Variants in TRIM37 observed in about 807,000 individuals in gnomAD.
TRIM37 encodes tripartite motif containing 37.
A neutral mutation model predicts 129.8 loss-of-function variants in TRIM37; 80 were observed. The ratio of observed to expected loss-of-function variants is 0.62; its 90% CI spans 0.51 to 0.74. TRIM37 has a LOEUF of 0.74. Ranked by LOEUF, TRIM37 falls within the 30% of genes least tolerant of loss-of-function variation. TRIM37 has a pLI of 0.00. For synonymous variants in TRIM37, 389 were observed against 387.1 expected (o/e 1.00, Z -0.06); for missense variants, 1,054 against 1,176.5 (o/e 0.90, Z 1.52).
intron 5 of TRIM37, 84 bp from the exon 6 acceptor site, chr17:59,081,303 T>G: frequency 6.4e-7 from 1 of 1,550,872 alleles, no homozygotes; most frequent in Non-Finnish European, 8.8e-7. Flanking sequence ...TGGACACTAA[T>G]AAACTGGTAA....
downstream of TRIM37, chr17:58,980,283 C>T (rs746727705): frequency 1.9e-6 from 3 of 1,614,126 alleles, no homozygotes; most frequent in Non-Finnish European, 2.5e-6. This position sits in a 1 kb window ranked among gnomAD's most constrained non-coding sequence, Gnocchi z 4.7. Flanking sequence ...ACAGAGAACT[C>T]TTTTCAAGGA....
chr17:59,021,748 T>C (rs1325702985), intron 19 of TRIM37, among the ~76,000 whole-genome samples: 1 of 152,092 alleles, frequency 6.6e-6, no homozygotes, highest in Non-Finnish European at 1.5e-5. Context: ...ATTGTACTTC[T>C]GAAAATAACT....
the TRIM37 span, among the ~76,000 whole-genome samples, chr17:58,977,254 C>T: frequency 4.3e-4 from 65 of 152,080 alleles, no homozygotes; most frequent in East Asian, 3.9e-4. Context: ...ACCAGCCTGA[C>T]CAACATGGTG....
In TRIM37 at chr17:59,028,187, A is replaced by C. The variant is rs143260512; in HGVS notation, c.2257+228T>G. 1.3e-3 allele frequency among the ~76,000 whole-genome samples: 194 copies of C among 152,328 alleles called. 2 individuals are homozygous for C. In the Middle Eastern group the frequency reaches 0.017, roughly 13 times the overall value. On this transcript the variant is annotated intron_variant, in intron 19 of 23. Transcript: ENST00000262294. The stretch of plus-strand genomic sequence containing the variant: ...GAATACAAGATCTATGATGTTAAGA[A>C]TTTTGTCTTGTTTATTGCCAAATAC...
chr17:59,035,034 G>A (rs2038305441), intron 17 of TRIM37, among the ~76,000 whole-genome samples: 1 of 151,976 alleles, frequency 6.6e-6, no homozygotes, highest in South Asian at 2.1e-4. Context: ...GTATATAGAA[G>A]TATCTTATTC....
At chr17:59,051,721 A>T (rs2040363692) in intron 13 of TRIM37, among the ~76,000 whole-genome samples, 1 of 151,952 alleles carries the variant, frequency 6.6e-6, no homozygotes, top group Non-Finnish European at 1.5e-5. Context: ...ATGAGGCCCC[A>T]GCAAAATACA....
chr17:59,040,775 G>A (rs1040043780), intron 17 of TRIM37, among the ~76,000 whole-genome samples: 7 of 152,038 alleles, frequency 4.6e-5, no homozygotes, highest in Non-Finnish European at 7.4e-5. Context: ...GGCCGGGCGC[G>A]GTGGCTCACG....
At chr17:59,036,447 GGTGTGT>G (rs10625636) in intron 17 of TRIM37, among the ~76,000 whole-genome samples, 97 of 140,672 alleles carry the variant, frequency 6.9e-4, no homozygotes, top group South Asian at 1.6e-3. Context: ...ATTTGCTGGG[GGTGTGT>G]GTGTGTGTGT....
intron 2 of TRIM37, among the ~76,000 whole-genome samples, chr17:59,099,778 T>G (rs1350224404): frequency 1.3e-5 from 2 of 152,166 alleles, no homozygotes; most frequent in Non-Finnish European, 2.9e-5. Flanking sequence ...AAACTTCTGG[T>G]GAGAATGTAA....
In TRIM37 at chr17:59,087,535, T is replaced by C. The variant is rs972508563; in HGVS notation, c.281+756A>G. On this transcript the variant is annotated intron_variant, in intron 4 of 23. Coordinates refer to ENST00000262294, the MANE Select transcript of TRIM37 (RefSeq NM_015294.6). The stretch of plus-strand genomic sequence containing the variant: ...TAAGCCATCCTCTGGGCTCAAGAGA[T>C]CCTCCTGCCTGAGCCTCCCAAGTAT... Among the ~76,000 whole-genome samples, 3 of 150,580 alleles carry C rather than the reference T, an allele frequency of 2.0e-5. No individual in the cohort carries two copies. In the Admixed American group the frequency reaches 2.0e-4, roughly 10 times the overall value.
chr17:59,060,979 G>C (rs1400178476), intron 12 of TRIM37, 53 bp downstream of exon 12: 11 of 1,340,296 alleles, frequency 8.2e-6, no homozygotes, highest in Non-Finnish European at 1.2e-5. Context: ...AAAATTGCTA[G>C]GGGGAAGGTA....
chr17:59,048,648 G>A (rs2040048863), intron 15 of TRIM37, among the ~76,000 whole-genome samples: 1 of 151,922 alleles, frequency 6.6e-6, no homozygotes, highest in Non-Finnish European at 1.5e-5. Context: ...CCAGGCTGGA[G>A]TGCAGTGGCA....
downstream of TRIM37, chr17:58,979,884 G>A (rs2031261830): frequency 5.9e-6 from 6 of 1,011,460 alleles, no homozygotes; most frequent in Non-Finnish European, 8.7e-6. Context: ...CCAGTAAGCT[G>A]TGATCAGAGT....
At chr17:59,010,505 G>A (rs2035119076) in intron 22 of TRIM37, among the ~76,000 whole-genome samples, 1 of 152,130 alleles carries the variant, frequency 6.6e-6, no homozygotes, top group Non-Finnish European at 1.5e-5. Context: ...TGTTATTACT[G>A]TCATTTGAGA....
At chr17:59,065,126 A>G (rs766346758) in intron 9 of TRIM37, among the ~76,000 whole-genome samples, 1 of 152,210 alleles carries the variant, frequency 6.6e-6, no homozygotes, top group Non-Finnish European at 1.5e-5. Flanking sequence ...AACACATTAT[A>G]TAATTATTAA....
chr17:59,066,852 C>T (rs1452694891), intron 9 of TRIM37, among the ~76,000 whole-genome samples: 1 of 151,950 alleles, frequency 6.6e-6, no homozygotes, highest in African/African-American at 2.4e-5. Context: ...AATTATAAAC[C>T]CAAAGAGCTC....
chr17:59,087,614 A>G (rs1223061156), intron 4 of TRIM37, among the ~76,000 whole-genome samples: 1 of 151,708 alleles, frequency 6.6e-6, no homozygotes, highest in African/African-American at 2.4e-5. Flanking sequence ...CTATGGTTCT[A>G]TTTCCTCAGT....
chr17:59,039,067 T>C (rs2038863444), intron 17 of TRIM37, among the ~76,000 whole-genome samples: 1 of 152,156 alleles, frequency 6.6e-6, no homozygotes, highest in African/African-American at 2.4e-5. Context: ...TGTCCTTGGC[T>C]TTACCTTTTG....
rs192096327 is a variant in TRIM37, at chr17:59,079,269, G to A, written c.616+485C>T. Reference sequence around the variant, plus strand: ...GCTCCACAATCAAAGAAGAATGAAGGAATCTTCGAAAAGCAAAAAGGTCAG... The same window carrying A: ...GCTCCACAATCAAAGAAGAATGAAGAAATCTTCGAAAAGCAAAAAGGTCAG... On this transcript the variant is annotated intron_variant, in intron 7 of 23. Transcript: ENST00000262294. Among the ~76,000 whole-genome samples, 800 of 152,084 alleles carry A rather than the reference G, an allele frequency of 5.3e-3. 3 individuals are homozygous for A. Among genetic ancestry groups the A allele is most frequent in the Non-Finnish European group, 7.1e-3 (485 of 67,980 alleles).
Sources: gnomAD v4.1 joint callset for allele counts (sites outside exome capture counted in the v4.1 genomes callset) on GRCh38, gnomAD v4.1.1 for gene constraint, Gnocchi (gnomAD v3.1) non-coding constraint, MANE v1.5 for transcripts, NCBI Gene and HGNC (gene_info 2026-07-23, HGNC 2026-07-21) for gene names.